The following SGIP1 variants were observed in gnomAD, a reference collection of about 807,000 sequenced individuals.
SGIP1 encodes the protein SH3-containing GRB2-like protein 3-interacting protein 1.
SGIP1 carries 38 observed loss-of-function variants against 107.5 expected under a neutral mutation model. The observed-to-expected ratio is 0.35, with a 90% CI of 0.27 to 0.46. The LOEUF is 0.46. Among genes scored for constraint, SGIP1 ranks in the 20% least tolerant of loss-of-function variants. The probability of loss-of-function intolerance (pLI) is 1.00; values close to 1 mark genes in which losing one functional copy is unlikely to be tolerated. For missense variants in SGIP1, 929 were observed against 1,019.5 expected, an observed-to-expected ratio of 0.91 and a Z score of 1.21; for synonymous variants, 365 against 366.1, an observed-to-expected ratio of 1.00 and a Z score of 0.03.
chr1:66,584,158 T>C (rs559718881), intron 1 of SGIP1, among the ~76,000 whole-genome samples: 1 of 152,238 alleles, frequency 6.6e-6, no homozygotes, highest in African/African-American at 2.4e-5. Flanking sequence ...TATAAGCTTC[T>C]TGAATTTATG....
At chr1:66,610,390 G>A (rs1289291935) in intron 1 of SGIP1, among the ~76,000 whole-genome samples, 1 of 152,158 alleles carries the variant, frequency 6.6e-6, no homozygotes, top group Non-Finnish European at 1.5e-5. Flanking sequence ...AGGGATGAAA[G>A]TTTGAGACCA....
intron 21 of SGIP1, among the ~76,000 whole-genome samples, chr1:66,738,215 T>C (rs914134163): frequency 1.3e-5 from 2 of 152,212 alleles, no homozygotes; most frequent in African/African-American, 2.4e-5. Context: ...TATAAAAGAA[T>C]CCATTTGGGG....
intron 7 of SGIP1, among the ~76,000 whole-genome samples, chr1:66,654,427 T>G (rs1222728270): frequency 6.6e-6 from 1 of 152,152 alleles, no homozygotes; most frequent in South Asian, 2.1e-4. Context: ...TTAGTTGTCT[T>G]CAACCTTGAG....
At chr1:66,608,957 G>A (rs538599184) in intron 1 of SGIP1, among the ~76,000 whole-genome samples, 4 of 150,302 alleles carry the variant, frequency 2.7e-5, no homozygotes, top group African/African-American at 1.0e-4. Flanking sequence ...CTCAGTAATG[G>A]AGGAAGTCTT....
chr1:66,672,613 G>A (rs192710776), intron 11 of SGIP1, among the ~76,000 whole-genome samples: 4 of 152,166 alleles, frequency 2.6e-5, no homozygotes, highest in Admixed American at 2.6e-4. Context: ...ATCAATGAGG[G>A]GAATCAGATT....
chr1:66,698,435 A>G (rs1284339516), intron 18 of SGIP1, among the ~76,000 whole-genome samples: 5 of 149,836 alleles, frequency 3.3e-5, no homozygotes, highest in African/African-American at 2.5e-5. Context: ...CTGGAGTGCA[A>G]TGGCTCGATC....
intron 5 of SGIP1, among the ~76,000 whole-genome samples, chr1:66,642,205 C>T (rs186659481): frequency 6.6e-6 from 1 of 152,276 alleles, no homozygotes; most frequent in East Asian, 1.9e-4. Flanking sequence ...TGTGCAGCTT[C>T]TTCTCCAGCC....
At chr1:66,548,843 A>G (rs1305811063) in intron 1 of SGIP1, among the ~76,000 whole-genome samples, 1 of 152,136 alleles carries the variant, frequency 6.6e-6, no homozygotes, top group Non-Finnish European at 1.5e-5. Context: ...CACTTCTCCA[A>G]TTCATAGCCC....
chr1:66,536,522 T>C (rs2053645161), intron 1 of SGIP1, among the ~76,000 whole-genome samples: 1 of 152,230 alleles, frequency 6.6e-6, no homozygotes, highest in Admixed American at 6.5e-5. Context: ...TGGTATTGCA[T>C]GGCAGAATTT....
chr1:66,643,951 C>T (rs1571149027), intron 7 of SGIP1: 1 of 300,214 alleles, frequency 3.3e-6, no homozygotes, highest in Admixed American at 5.1e-5. Flanking sequence ...ACCACATTTT[C>T]TTTTGACTTA....
chr1:66,639,313 GC>G (rs549160615), intron 4 of SGIP1, among the ~76,000 whole-genome samples: 66 of 152,300 alleles, frequency 4.3e-4, no homozygotes, highest in African/African-American at 1.6e-3. Flanking sequence ...AAAATTGAGT[GC>G]TAAAATGCTA....
chr1:66,700,045 TGTAA>T (rs1202782780), intron 18 of SGIP1, among the ~76,000 whole-genome samples: 3 of 151,940 alleles, frequency 2.0e-5, no homozygotes, highest in African/African-American at 7.2e-5. Context: ...ATTCAGATAA[TGTAA>T]GTAACTTTCA....
rs138622020 is a variant in SGIP1, at chr1:66,607,613, T to G, written c.11-18234T>G. Among the ~76,000 whole-genome samples, 638 of 152,354 alleles carry G rather than the reference T, an allele frequency of 4.2e-3. 4 individuals are homozygous for G. Among genetic ancestry groups the G allele is most frequent in the African/African-American group, 0.014 (597 of 41,584 alleles). ...TCCCCTTGCCCTCTGGCTGGATATATTCTGTGACAGGGGATTCTCCGAAAG... is the reference window on the plus strand; with the variant it reads ...TCCCCTTGCCCTCTGGCTGGATATAGTCTGTGACAGGGGATTCTCCGAAAG... On this transcript the variant is annotated intron_variant, in intron 1 of 24. Coordinates refer to ENST00000371037, the MANE Select transcript of SGIP1 (RefSeq NM_032291.4).
At chr1:66,542,029 G>T (rs1383615604) in intron 1 of SGIP1, among the ~76,000 whole-genome samples, 1 of 152,110 alleles carries the variant, frequency 6.6e-6, no homozygotes, top group Non-Finnish European at 1.5e-5. Flanking sequence ...CTTATCTGCA[G>T]AGGATATGTT....
intron 1 of SGIP1, among the ~76,000 whole-genome samples, chr1:66,619,399 G>A (rs546640976): frequency 5.3e-5 from 8 of 152,358 alleles, no homozygotes; most frequent in East Asian, 3.9e-4. Flanking sequence ...AAGACGGAAC[G>A]CCCTCTCCCG....
chr1:66,569,375 T>C (rs1178742277), intron 1 of SGIP1, among the ~76,000 whole-genome samples: 1 of 151,908 alleles, frequency 6.6e-6, no homozygotes, highest in Non-Finnish European at 1.5e-5. Context: ...TTTTTGTAGA[T>C]AGTCTTTATC....
At position 66,706,348 on chromosome 1, in the gene SGIP1, A is replaced by T. The variant is rs943160040; in HGVS notation, c.1630+10855A>T. Among the ~76,000 whole-genome samples the T allele has an allele frequency of 7.0e-4, 102 of 145,952 alleles. 1 individual carries two copies. Among genetic ancestry groups the T allele is most frequent in the East Asian group, 4.5e-3 (23 of 5,088 alleles). On this transcript the variant is annotated intron_variant, in intron 18 of 24. Coordinates refer to ENST00000371037, the MANE Select transcript of SGIP1 (RefSeq NM_032291.4). ...TATATTATATAATATGTAAAATATAAATAAATATTTATACTATAAAATATA... is the reference window on the plus strand; with the variant it reads ...TATATTATATAATATGTAAAATATATATAAATATTTATACTATAAAATATA...
chr1:66,594,168 T>C (rs1382656651), intron 1 of SGIP1, among the ~76,000 whole-genome samples: 1 of 152,080 alleles, frequency 6.6e-6, no homozygotes. Flanking sequence ...AGTATTATAA[T>C]GGGAATAAAC....
chr1:66,734,852 A>G (rs1027462564), intron 21 of SGIP1, among the ~76,000 whole-genome samples: 1 of 152,100 alleles, frequency 6.6e-6, no homozygotes, highest in Non-Finnish European at 1.5e-5. Context: ...ATTGACAGGT[A>G]CAATTGTATG....
Sources: allele counts gnomAD v4.1 joint callset (sites outside exome capture counted in the v4.1 genomes callset), GRCh38; gene constraint gnomAD v4.1.1; transcripts MANE v1.5; gene names NCBI Gene and HGNC (gene_info 2026-07-23, HGNC 2026-07-21).